Variants in CACNA1C observed in about 807,000 individuals in gnomAD.
CACNA1C encodes the protein calcium voltage-gated channel subunit alpha1 C, also known as voltage-dependent L-type calcium channel subunit alpha-1C.
CACNA1C carries 30 observed loss-of-function variants against 229.0 expected under a neutral mutation model. The ratio of observed to expected loss-of-function variants is 0.13; its 90% CI spans 0.10 to 0.18. The LOEUF (loss-of-function observed/expected upper bound fraction) is 0.18, where lower values mean the gene tolerates loss of function less well. Among genes scored for constraint, CACNA1C ranks in the 10% least tolerant of loss-of-function variants. The pLI is 1.00. For missense variants in CACNA1C, 1,658 were observed against 2,845.0 expected (o/e 0.58, Z 9.49); for synonymous variants, 1,114 against 1,132.5 (o/e 0.98, Z 0.33).
chr12:2,621,429 G>A (rs539077403), intron 29 of CACNA1C, among the ~76,000 whole-genome samples: 25 of 152,314 alleles, frequency 1.6e-4, no homozygotes, highest in Non-Finnish European at 2.9e-4. Context: ...TGAGAGTGGC[G>A]CGTGAAAAGG....
chr12:2,662,865 G>T (rs1300236279), intron 34 of CACNA1C, among the ~76,000 whole-genome samples: 2 of 152,158 alleles, frequency 1.3e-5, no homozygotes, highest in African/African-American at 4.8e-5. Flanking sequence ...TACGGCAGAA[G>T]AAATATTTCA....
intron 28 of CACNA1C, among the ~76,000 whole-genome samples, chr12:2,611,505 A>C (rs12300642): frequency 3.8e-4 from 41 of 107,006 alleles, no homozygotes; most frequent in African/African-American, 1.2e-3. Context: ...GTTGGTTGAT[A>C]AGTGGGGAGA....
At chr12:2,056,589 A>C (rs1327670003) in intron 1 of CACNA1C, among the ~76,000 whole-genome samples, 2 of 152,220 alleles carry the variant, frequency 1.3e-5, no homozygotes, top group Non-Finnish European at 2.9e-5. Context: ...GCAGAATAAG[A>C]ATCACTGTAA....
chr12:2,554,650 A>C (rs973195416), intron 10 of CACNA1C, among the ~76,000 whole-genome samples: 7 of 152,120 alleles, frequency 4.6e-5, no homozygotes, highest in Non-Finnish European at 8.8e-5. Context: ...GCGTCCTCTC[A>C]CTGCAGGAGC....
intron 3 of CACNA1C, among the ~76,000 whole-genome samples, chr12:2,415,559 G>C (rs775848245): frequency 6.6e-6 from 1 of 152,116 alleles, no homozygotes; most frequent in African/African-American, 2.4e-5. Context: ...TAACACCACC[G>C]TCCCAAGAAG....
chr12:2,416,423 GAGAA>G (rs774975770), intron 3 of CACNA1C, among the ~76,000 whole-genome samples: 5 of 152,266 alleles, frequency 3.3e-5, no homozygotes, highest in African/African-American at 9.6e-5. Context: ...GAAGAAAAAA[GAGAA>G]GGAAGGAAGG....
intron 1 of CACNA1C, among the ~76,000 whole-genome samples, chr12:2,058,329 C>G (rs2056071472): frequency 6.6e-6 from 1 of 152,204 alleles, no homozygotes; most frequent in Non-Finnish European, 1.5e-5. Flanking sequence ...GAAATCAGTG[C>G]TGAGCATTCA....
In CACNA1C at chr12:2,053,168, G is replaced by T. The variant is rs1594437897; in HGVS notation, c.-395G>T. The T allele has an allele frequency of 1.0e-6, 1 of 992,404 alleles. No individual in the cohort carries two copies. Among genetic ancestry groups the T allele is most frequent in the Non-Finnish European group, 1.2e-6 (1 of 834,914 alleles). 61.5% of individuals were successfully genotyped at this position (992,404 alleles called of 1,614,324 possible). On this transcript the variant is annotated 5_prime_UTR_variant, in exon 1 of 47. Coordinates refer to ENST00000399655, the MANE Select transcript of CACNA1C (RefSeq NM_000719.7). The surrounding 1 kb of genome is among the most constrained non-coding windows in gnomAD (Gnocchi z 5.8). The stretch of plus-strand genomic sequence containing the variant: ...GGACTCGCTGGGAGTGGGCAGAGGC[G>T]CCTCGGCCCCTGCCGGCCCAGGCGG...
rs1274610628 is a variant in CACNA1C, at chr12:2,664,963, C to T, written c.4371C>T (p.Ile1457=). ...CGSSFAVFYF[I]SFYMLCAFLI... ...GCAGCTTTGCTGTCTTCTACTTCAT[C>T]AGCTTCTACATGCTCTGTGCCTTCC... The change falls in exon 35 of 47, where the codon ATC becomes ATT. Residue 1457 remains isoleucine, a synonymous_variant. Coordinates refer to ENST00000399655, the MANE Select transcript of CACNA1C (RefSeq NM_000719.7). 4 of 1,614,188 alleles carry T rather than the reference C, an allele frequency of 2.5e-6. No individual in the cohort carries two copies. Among genetic ancestry groups the T allele is most frequent in the East Asian group, 4.5e-5 (2 of 44,882 alleles).
chr12:2,345,936 G>A (rs1221418534), intron 3 of CACNA1C, among the ~76,000 whole-genome samples: 1 of 152,138 alleles, frequency 6.6e-6, no homozygotes, highest in Non-Finnish European at 1.5e-5. Flanking sequence ...AAACCCACTC[G>A]CCTCCTCAGG....
At chr12:2,265,684 C>T (rs1404273798) in intron 3 of CACNA1C, among the ~76,000 whole-genome samples, 1 of 152,234 alleles carries the variant, frequency 6.6e-6, no homozygotes, top group African/African-American at 2.4e-5. Context: ...AGAGCATAAA[C>T]CCATGGTGCA....
At chr12:2,293,152 T>C (rs116298939) in intron 3 of CACNA1C, among the ~76,000 whole-genome samples, 8,645 of 152,148 alleles carry the variant, frequency 0.057, 312 homozygotes, top group African/African-American at 0.092. Flanking sequence ...GAGCAGAAGG[T>C]GAGAAGGTAA....
chr12:2,348,522 G>A lies in CACNA1C; in HGVS notation c.478-100454G>A, dbSNP rs1000472673. 2.0e-5 allele frequency among the ~76,000 whole-genome samples: 3 copies of A among 152,252 alleles called. No homozygotes were observed. The highest frequency in any genetic ancestry group is 7.2e-5 in the African/African-American group (3 of 41,468). ...TAGGGCTACAAATAGTCTCCCCGAG[G>A]GAATGGGCTCATACGCCGGGTGGGC... On this transcript the variant is annotated intron_variant, in intron 3 of 46. Transcript: ENST00000399655. The surrounding 1 kb of genome is among the most constrained non-coding windows in gnomAD (Gnocchi z 4.7).
At chr12:2,419,716 C>T (rs567262361) in intron 3 of CACNA1C, among the ~76,000 whole-genome samples, 2 of 152,310 alleles carry the variant, frequency 1.3e-5, no homozygotes, top group African/African-American at 4.8e-5. Flanking sequence ...CCTTCCTTCA[C>T]ACACAGTAGG....
At chr12:2,583,205 C>G (rs1434271513) in intron 15 of CACNA1C, among the ~76,000 whole-genome samples, 1 of 152,236 alleles carries the variant, frequency 6.6e-6, no homozygotes, top group Non-Finnish European at 1.5e-5. Context: ...GCGGCGCCCC[C>G]TGGCGTTGCG....
rs1412057627 is a variant in CACNA1C at position 2,467,122 on chromosome 12, T to C, written c.757+9416T>C. Among the ~76,000 whole-genome samples, 5 of 152,086 alleles carry C rather than the reference T, an allele frequency of 3.3e-5. No individual in the cohort carries two copies. Among genetic ancestry groups the C allele is most frequent in the Non-Finnish European group, 5.9e-5 (4 of 68,002 alleles). On this transcript the variant is annotated intron_variant, in intron 5 of 46. Coordinates refer to ENST00000399655, the MANE Select transcript of CACNA1C (RefSeq NM_000719.7). This position sits in a 1 kb window ranked among gnomAD's most constrained non-coding sequence, Gnocchi z 4.6. The stretch of plus-strand genomic sequence containing the variant: ...TCACACAGCGCTGGAGGCTGCCTGG[T>C]CCCCCTGCCCGCCCATCGGAGATGG...
intron 3 of CACNA1C, among the ~76,000 whole-genome samples, chr12:2,234,679 A>G (rs1042091156): frequency 2.0e-5 from 3 of 152,076 alleles, no homozygotes; most frequent in Non-Finnish European, 4.4e-5. Context: ...TGTGTATTTT[A>G]ATATATGAAA....
rs2095242247 is a variant in CACNA1C at position 2,653,619 on chromosome 12, C to G, written c.4075-216C>G. On this transcript the variant is annotated intron_variant, in intron 32 of 46. Coordinates refer to ENST00000399655, the MANE Select transcript of CACNA1C (RefSeq NM_000719.7). The surrounding 1 kb of genome is among the most constrained non-coding windows in gnomAD (Gnocchi z 4.7). ...TCGCACTATATCGTTACTCTGCGGC[C>G]TGCTTTGAAAACCAAGCTGAAATGG... Among the ~76,000 whole-genome samples the G allele has an allele frequency of 6.6e-6, 1 of 152,244 alleles. No individual in the cohort carries two copies. Among genetic ancestry groups the G allele is most frequent in the African/African-American group, 2.4e-5 (1 of 41,470 alleles).
intron 5 of CACNA1C, among the ~76,000 whole-genome samples, chr12:2,465,202 A>G (rs138210220): frequency 2.0e-5 from 3 of 152,360 alleles, no homozygotes; most frequent in African/African-American, 7.2e-5. Context: ...AGACTGAAAT[A>G]GAGGACAAGA....
Sources: allele counts gnomAD v4.1 joint callset (sites outside exome capture counted in the v4.1 genomes callset), GRCh38; gene constraint gnomAD v4.1.1; non-coding constraint Gnocchi (gnomAD v3.1); transcripts MANE v1.5; gene names NCBI Gene and HGNC (gene_info 2026-07-23, HGNC 2026-07-21).